The following SMAP1 variants were observed in gnomAD, a reference collection of about 807,000 sequenced individuals.
SMAP1 encodes stromal membrane-associated protein 1.
Under a neutral mutation model 58.5 loss-of-function variants are expected in SMAP1, and 24 were observed. The observed-to-expected ratio is 0.41, with a 90% confidence interval of 0.30 to 0.58. The LOEUF is 0.58. Among genes scored for constraint, SMAP1 ranks in the 20% least tolerant of loss-of-function variants. The probability of loss-of-function intolerance (pLI) is 0.29; values close to 1 mark genes in which losing one functional copy is unlikely to be tolerated. For synonymous variants in SMAP1, 216 were observed against 196.6 expected, an observed-to-expected ratio of 1.10 and a Z score of -0.82; for missense variants, 563 against 566.3, an observed-to-expected ratio of 0.99 and a Z score of 0.06.
chr6:70,728,416 T>C (rs970535435), intron 1 of SMAP1, among the ~76,000 whole-genome samples: 5 of 152,202 alleles, frequency 3.3e-5, no homozygotes, highest in African/African-American at 1.2e-4. Context: ...ATATTAAAGA[T>C]AGTGATTTTT....
At chr6:70,848,269 T>TA (rs1171160370) in intron 7 of SMAP1, among the ~76,000 whole-genome samples, 1 of 152,118 alleles carries the variant, frequency 6.6e-6, no homozygotes, top group African/African-American at 2.4e-5. Flanking sequence ...AATCCCTCCC[T>TA]AAAAACTGAA....
chr6:70,858,886 A>G (rs1267235818), intron 10 of SMAP1: 2 of 153,384 alleles, frequency 1.3e-5, no homozygotes, highest in East Asian at 3.8e-4. Flanking sequence ...CCCTCATATT[A>G]TAAAATCCTA....
intron 2 of SMAP1, among the ~76,000 whole-genome samples, chr6:70,744,088 A>G (rs1300336437): frequency 2.0e-5 from 3 of 152,042 alleles, no homozygotes; most frequent in Non-Finnish European, 4.4e-5. Flanking sequence ...TTTCTGTTAC[A>G]TGTAGGTGAT....
At chr6:70,720,659 A>G (rs751760392) in intron 1 of SMAP1, among the ~76,000 whole-genome samples, 7 of 152,214 alleles carry the variant, frequency 4.6e-5, no homozygotes, top group African/African-American at 7.2e-5. Context: ...GAGGTTTCCA[A>G]ACCTCAGTTC....
chr6:70,843,826 A>G (rs1413345004), intron 7 of SMAP1, among the ~76,000 whole-genome samples: 5 of 152,176 alleles, frequency 3.3e-5, no homozygotes, highest in African/African-American at 7.2e-5. Context: ...GCTTTATGTG[A>G]AGCACCTAGC....
At chr6:70,839,469 T>A (rs1770721272) in intron 7 of SMAP1, among the ~76,000 whole-genome samples, 1 of 152,166 alleles carries the variant, frequency 6.6e-6, no homozygotes, top group Non-Finnish European at 1.5e-5. Context: ...TTTCTGTCAC[T>A]CATGGGCCTG....
chr6:70,861,808 G>A lies in SMAP1; in HGVS notation c.*1474G>A, dbSNP rs146238276. The A allele has an allele frequency of 1.1e-3, 1,765 of 1,613,976 alleles. 1 individual carries two copies. The highest frequency in any genetic ancestry group is 1.4e-3 in the Non-Finnish European group (1,633 of 1,179,916). On this transcript the variant is annotated 3_prime_UTR_variant, in exon 11 of 11. Transcript: ENST00000370455. ...TCTTCATGGTGACACTCGAGGTCGG[G>A]CAGCACAAGTGTAATGAATACCTTA...
chr6:70,674,573 C>T (rs1297527908), intron 1 of SMAP1, among the ~76,000 whole-genome samples: 5 of 152,306 alleles, frequency 3.3e-5, no homozygotes, highest in Middle Eastern at 3.4e-3. Context: ...TACATTCTTA[C>T]CACTGTAAAG....
intron 4 of SMAP1, among the ~76,000 whole-genome samples, chr6:70,783,496 A>C (rs972564969): frequency 6.6e-6 from 1 of 152,218 alleles, no homozygotes; most frequent in African/African-American, 2.4e-5. Flanking sequence ...AGACGAACAA[A>C]CTACTCCGAG....
chr6:70,853,898 A>G lies in SMAP1; in HGVS notation c.789+1234A>G, dbSNP rs1488881817. Among the ~76,000 whole-genome samples, 7 of 152,354 alleles carry G rather than the reference A, an allele frequency of 4.6e-5. No homozygotes were observed. In the East Asian group the frequency reaches 5.8e-4, roughly 13 times the overall value. ...GTGAAAAGCCATTTATTTTTAGTCT[A>G]GCATTGTAGTGCGGCTGTTATACCT... On this transcript the variant is annotated intron_variant, in intron 8 of 10. Coordinates refer to ENST00000370455, the MANE Select transcript of SMAP1 (RefSeq NM_001044305.3).
intron 1 of SMAP1, among the ~76,000 whole-genome samples, chr6:70,681,255 C>T (rs1287569978): frequency 2.6e-5 from 4 of 151,662 alleles, no homozygotes; most frequent in Admixed American, 1.3e-4. Context: ...TCTGTCTCTA[C>T]AAAAAGTGAA....
intron 3 of SMAP1, among the ~76,000 whole-genome samples, chr6:70,762,316 C>A (rs1766784104): frequency 6.6e-6 from 1 of 152,074 alleles, no homozygotes; most frequent in Admixed American, 6.6e-5. Flanking sequence ...TCTGTGGTCG[C>A]TTTGGAGAGC....
At chr6:70,814,223 C>T (rs139384895) in intron 6 of SMAP1, among the ~76,000 whole-genome samples, 2 of 152,278 alleles carry the variant, frequency 1.3e-5, no homozygotes, top group East Asian at 3.9e-4. Flanking sequence ...ACTGACCCAT[C>T]ATTTGACATT....
chr6:70,786,982 G>A (rs1201093630), intron 4 of SMAP1, among the ~76,000 whole-genome samples: 3 of 152,026 alleles, frequency 2.0e-5, no homozygotes, highest in East Asian at 3.9e-4. Context: ...AAAAGAGCCC[G>A]CATCGCCAAG....
intron 7 of SMAP1, chr6:70,837,921 T>C: frequency 8.7e-7 from 1 of 1,154,540 alleles, no homozygotes; most frequent in Non-Finnish European, 1.1e-6. Flanking sequence ...TATAGCTGAA[T>C]GTTTTATTCA....
chr6:70,845,978 C>T (rs1340832134), intron 7 of SMAP1, among the ~76,000 whole-genome samples: 1 of 152,138 alleles, frequency 6.6e-6, no homozygotes, highest in African/African-American at 2.4e-5. Flanking sequence ...TGTGTGGAAG[C>T]TGTGTCTATG....
At chr6:70,795,253 A>G (rs144509214) in intron 5 of SMAP1, among the ~76,000 whole-genome samples, 4 of 152,296 alleles carry the variant, frequency 2.6e-5, no homozygotes, top group African/African-American at 7.2e-5. Flanking sequence ...GTGCCCACCA[A>G]TCATGGTGAT....
chr6:70,825,756 C>T (rs1659644127), intron 6 of SMAP1, among the ~76,000 whole-genome samples: 1 of 152,142 alleles, frequency 6.6e-6, no homozygotes, highest in Non-Finnish European at 1.5e-5. Context: ...TGAAAGCAGG[C>T]ACTATTAAAC....
In SMAP1 at chr6:70,732,368, TCTA is replaced by T. The variant is rs1765465826; in HGVS notation, c.119-9_119-7del. ...TTTGCTTTTTTTTGTGGTTTCTTCT[TCTA>T]AATTAGGTCCTCGATGGGCTTCCTG... On this transcript the variant is annotated splice_polypyrimidine_tract_variant and splice_region_variant and intron_variant, in intron 1 of 10. Transcript: ENST00000370455. The T allele has an allele frequency of 5.0e-6, 8 of 1,600,516 alleles. No individual in the cohort carries two copies. The South Asian group carries it at 9.1e-5, about 18-fold the overall frequency.
Sources: gnomAD v4.1 joint callset for allele counts (sites outside exome capture counted in the v4.1 genomes callset) on GRCh38, gnomAD v4.1.1 for gene constraint, MANE v1.5 for transcripts, NCBI Gene and HGNC (gene_info 2026-07-23, HGNC 2026-07-21) for gene names.